Variants in LRRC27 observed in about 807,000 individuals in gnomAD.
The protein encoded by LRRC27 is leucine-rich repeat-containing protein 27.
A neutral mutation model predicts 55.0 loss-of-function variants in LRRC27; 57 were observed. The ratio of observed to expected loss-of-function variants is 1.04; its 90% CI spans 0.84 to 1.29. LRRC27 has a LOEUF of 1.29. Ranked by LOEUF, LRRC27 falls within the 50% of genes most tolerant of loss-of-function variation. The pLI, the probability that LRRC27 is intolerant of heterozygous loss-of-function variation, is 0.00. For missense variants in LRRC27, 721 were observed against 651.5 expected (o/e 1.11, Z -1.16); for synonymous variants, 278 against 251.9 (o/e 1.10, Z -0.98).
intron 9 of LRRC27, among the ~76,000 whole-genome samples, chr10:132,364,461 C>CCACCCACACTTA (rs1258899114): frequency 1.5e-5 from 1 of 67,222 alleles, no homozygotes; most frequent in African/African-American, 5.9e-5. Context: ...ACACTCACAC[C>CCACCCACACTTA]CACCCACACT....
At chr10:132,341,654 T>C (rs370129641) in intron 3 of LRRC27, among the ~76,000 whole-genome samples, 24 of 152,258 alleles carry the variant, frequency 1.6e-4, no homozygotes, top group African/African-American at 5.1e-4. Flanking sequence ...GAGTCCCCAG[T>C]GTATGAATCA....
chr10:132,374,936 C>G lies in LRRC27; in HGVS notation c.1417-130C>G. 5 of 1,013,904 alleles carry G rather than the reference C, an allele frequency of 4.9e-6. No individual in the cohort carries two copies. Among genetic ancestry groups the G allele is most frequent in the Non-Finnish European group, 7.1e-6 (5 of 701,758 alleles). The allele number at this position is 1,013,904 out of a possible 1,614,324, so 62.8% of individuals were successfully genotyped here. Reference sequence around the variant, plus strand: ...GCCGTGATGCGGCTTGCAGGGGCCCCGGGGCAGCGGGGCTGGCTCTGCTGA... The same window carrying G: ...GCCGTGATGCGGCTTGCAGGGGCCCGGGGGCAGCGGGGCTGGCTCTGCTGA... On this transcript the variant is annotated intron_variant, in intron 10 of 10. Transcript: ENST00000368614. This position sits in a 1 kb window ranked among gnomAD's most constrained non-coding sequence, Gnocchi z 4.4.
Position 132,337,657 on chromosome 10 carries a change from T to A in LRRC27, c.303T>A (p.Asn101Lys), listed in dbSNP as rs750162957. ...PNLTWLDLRY[N>K]RIKALPSGIG... ...TGACTTGGCTGGACCTCCGGTACAATAGAATTAAAGCGCTTCCTTCTGGGA... is the reference window on the plus strand; with the variant it reads ...TGACTTGGCTGGACCTCCGGTACAAAAGAATTAAAGCGCTTCCTTCTGGGA... Residue 101 changes from asparagine (N) to lysine (K), a missense_variant, in exon 3 of 11, where the codon AAT becomes AAA. Coordinates refer to ENST00000368614, the MANE Select transcript of LRRC27 (RefSeq NM_030626.3). 6.2e-7 allele frequency: 1 copy of A among 1,614,234 alleles called. No individual in the cohort carries two copies.
chr10:132,338,125 G>C (rs1390840450), intron 3 of LRRC27, among the ~76,000 whole-genome samples: 1 of 152,150 alleles, frequency 6.6e-6, no homozygotes, highest in East Asian at 1.9e-4. Context: ...AGACCAGCCT[G>C]GCCAACATGG....
rs150765392 is a variant in LRRC27 at position 132,348,054 on chromosome 10, C to T, written c.624C>T (p.His208=). ...CAGGACTGGAGTTGTCTGGAGACCA[C>T]GCGTCTAACCAAGGAGCTGTGAACG... ...PSPGLELSGD[H]ASNQGAVNAQ... Residue 208 remains histidine, a synonymous_variant, in exon 6 of 11, where the codon CAC becomes CAT. Coordinates refer to ENST00000368614, the MANE Select transcript of LRRC27 (RefSeq NM_030626.3). This position sits in a 1 kb window ranked among gnomAD's most constrained non-coding sequence, Gnocchi z 4.2. The T allele has an allele frequency of 1.1e-3, 1,738 of 1,613,796 alleles. 3 individuals are homozygous for T. The highest frequency in any genetic ancestry group is 1.3e-3 in the Non-Finnish European group (1,522 of 1,180,042).
rs1174291345 is a variant in LRRC27 at position 132,372,694 on chromosome 10, C to G, written c.1417-2372C>G. Among the ~76,000 whole-genome samples the G allele has an allele frequency of 6.6e-6, 1 of 152,218 alleles. No homozygotes were observed. ...GGAGCCAGGGCTGCCTCTAGATAAGCTGACCAACCAGGCACCACAGTGGTG... is the reference window on the plus strand; with the variant it reads ...GGAGCCAGGGCTGCCTCTAGATAAGGTGACCAACCAGGCACCACAGTGGTG... On this transcript the variant is annotated intron_variant, in intron 10 of 10. Coordinates refer to ENST00000368614, the MANE Select transcript of LRRC27 (RefSeq NM_030626.3). This position sits in a 1 kb window ranked among gnomAD's most constrained non-coding sequence, Gnocchi z 4.0.
intron 1 of LRRC27, 87 bp downstream of exon 1, chr10:132,332,343 C>T (rs1200722261): frequency 6.6e-6 from 1 of 152,512 alleles, no homozygotes; most frequent in Non-Finnish European, 1.5e-5. Context: ...CGTGCCCTGT[C>T]GCCTAGCTCC....
rs2069348239 is a variant in LRRC27, at chr10:132,377,166, T to A, written c.*1924T>A. 6.6e-6 allele frequency: 1 copy of A among 152,230 alleles called. No homozygotes were observed. The highest frequency in any genetic ancestry group is 1.5e-5 in the Non-Finnish European group (1 of 68,048). 9.4% of individuals were successfully genotyped at this position (152,230 alleles called of 1,614,324 possible). On this transcript the variant is annotated 3_prime_UTR_variant, in exon 11 of 11. Coordinates refer to ENST00000368614, the MANE Select transcript of LRRC27 (RefSeq NM_030626.3). ...TGTACTGGATTTAAAGCGCACCTTATAGAGACATCATATACTCGGGACTCC... is the reference window on the plus strand; with the variant it reads ...TGTACTGGATTTAAAGCGCACCTTAAAGAGACATCATATACTCGGGACTCC...
At chr10:132,360,718 A>G (rs1590701372) in intron 8 of LRRC27, among the ~76,000 whole-genome samples, 1 of 152,314 alleles carries the variant, frequency 6.6e-6, no homozygotes, top group East Asian at 1.9e-4. Context: ...AACCATTCCA[A>G]ACGTCATCTC....
At chr10:132,366,842 C>G in intron 10 of LRRC27, 1 of 1,279,710 alleles carries the variant, frequency 7.8e-7, no homozygotes, top group Middle Eastern at 2.1e-4. Context: ...TCCCTCTCTC[C>G]TAGAGCCGGA....
intron 5 of LRRC27, 119 bp downstream of exon 5, chr10:132,344,769 C>G: frequency 8.9e-7 from 1 of 1,117,800 alleles, no homozygotes; most frequent in South Asian, 1.5e-5. Context: ...GCCATGGGTC[C>G]TCTGCTGAGT....
intron 9 of LRRC27, 99 bp from the exon 10 acceptor site, chr10:132,365,325 G>A (rs748384615): frequency 3.3e-6 from 5 of 1,511,974 alleles, no homozygotes; most frequent in Non-Finnish European, 4.6e-6. Context: ...TGTTTGGTCT[G>A]GGAAGAAAGG....
In LRRC27 at chr10:132,372,515, C is replaced by A. The variant is rs2069242486; in HGVS notation, c.1417-2551C>A. Among the ~76,000 whole-genome samples, 1 of 152,224 alleles carries A rather than the reference C, an allele frequency of 6.6e-6. No individual in the cohort carries two copies. Among genetic ancestry groups the A allele is most frequent in the African/African-American group, 2.4e-5 (1 of 41,446 alleles). Reference sequence around the variant, plus strand: ...CCCAGGAGGCAGAGGTTGCAGTGAGCTGAGATGGCACCATCGCACTCCAGC... The same window carrying A: ...CCCAGGAGGCAGAGGTTGCAGTGAGATGAGATGGCACCATCGCACTCCAGC... On this transcript the variant is annotated intron_variant, in intron 10 of 10. Coordinates refer to ENST00000368614, the MANE Select transcript of LRRC27 (RefSeq NM_030626.3). The surrounding 1 kb of genome is among the most constrained non-coding windows in gnomAD (Gnocchi z 4.0).
chr10:132,364,363 G>A (rs61864511), intron 9 of LRRC27, among the ~76,000 whole-genome samples: 195 of 908 alleles, frequency 0.21, 20 homozygotes, highest in Non-Finnish European at 0.26. Context: ...CTCCACACCC[G>A]CGCTTACACC....
chr10:132,331,808 C>G, upstream of LRRC27: 1 of 1,587,972 alleles, frequency 6.3e-7, no homozygotes, highest in Non-Finnish European at 8.6e-7. Flanking sequence ...ACTTGCCCGT[C>G]GACCACCACC....
At position 132,372,190 on chromosome 10, in the gene LRRC27, G is replaced by A. The variant is rs1353605680; in HGVS notation, c.1417-2876G>A. On this transcript the variant is annotated intron_variant, in intron 10 of 10. Transcript: ENST00000368614. The surrounding 1 kb of genome is among the most constrained non-coding windows in gnomAD (Gnocchi z 4.0). The stretch of plus-strand genomic sequence containing the variant: ...AAGACAAAACCAACCACAGAAGGAT[G>A]GGAAGTGGGGGTCGGGGTGCGGTGG... Among the ~76,000 whole-genome samples the A allele has an allele frequency of 6.6e-6, 1 of 151,500 alleles. No individual in the cohort carries two copies. The highest frequency in any genetic ancestry group is 2.4e-5 in the African/African-American group (1 of 40,944).
intron 1 of LRRC27, chr10:132,332,603 C>T (rs1363756092): frequency 6.6e-6 from 1 of 152,116 alleles, no homozygotes; most frequent in Non-Finnish European, 1.5e-5. Flanking sequence ...TTTGAAGCCT[C>T]CCCTCCTCTG....
chr10:132,356,591 A>G (rs930169300), intron 8 of LRRC27, among the ~76,000 whole-genome samples: 1 of 147,650 alleles, frequency 6.8e-6, no homozygotes, highest in East Asian at 2.0e-4. Flanking sequence ...CTCTTAAGCT[A>G]TGGGACATGG....
intron 8 of LRRC27, among the ~76,000 whole-genome samples, chr10:132,360,608 C>T (rs2068568668): frequency 6.6e-6 from 1 of 152,100 alleles, no homozygotes; most frequent in Admixed American, 6.6e-5. Flanking sequence ...TTTCTGGTTG[C>T]CGAACACTTT....
Sources: gnomAD v4.1 joint callset for allele counts (sites outside exome capture counted in the v4.1 genomes callset) on GRCh38, gnomAD v4.1.1 for gene constraint, Gnocchi (gnomAD v3.1) non-coding constraint, MANE v1.5 for transcripts, NCBI Gene and HGNC (gene_info 2026-07-23, HGNC 2026-07-21) for gene names.